Variants in ADGRL2 observed in about 807,000 individuals in gnomAD.
ADGRL2 encodes adhesion G protein-coupled receptor L2.
Under a neutral mutation model 157.4 loss-of-function variants are expected in ADGRL2, and 44 were observed. That is an observed-to-expected ratio of 0.28 (90% confidence interval 0.22 to 0.36). The LOEUF (loss-of-function observed/expected upper bound fraction) is 0.36. Among genes scored for constraint, ADGRL2 ranks in the 10% least tolerant of loss-of-function variants. The pLI is 1.00. For synonymous variants in ADGRL2, 585 were observed against 624.7 expected, an observed-to-expected ratio of 0.94 and a Z score of 0.95; for missense variants, 1,510 against 1,768.9, an observed-to-expected ratio of 0.85 and a Z score of 2.63.
rs191097394 is a variant in ADGRL2, at chr1:81,723,055, T to C, written c.-143+23247T>C. 4.0e-5 allele frequency: 30 copies of C among 756,718 alleles called. 1 individual carries two copies. The East Asian group carries it at 6.2e-4, about 16-fold the overall frequency. The allele number at this position is 756,718 out of a possible 1,614,324, so 46.9% of individuals were successfully genotyped here. A position where few individuals can be genotyped will look rare whatever the true frequency, so the allele number is the denominator to read the frequency against. Reference sequence around the variant, plus strand: ...ATCTTATCAGTAAATTGTCAGCCAATTGGGAGTCAAGCACAGTGCCCTTCT... The same window carrying C: ...ATCTTATCAGTAAATTGTCAGCCAACTGGGAGTCAAGCACAGTGCCCTTCT... On this transcript the variant is annotated intron_variant, in intron 1 of 20. Coordinates refer to the ADGRL2 transcript ENST00000359929.
intron 1 of ADGRL2, among the ~76,000 whole-genome samples, chr1:81,339,888 T>C (rs138424103): frequency 1.7e-3 from 255 of 152,326 alleles, no homozygotes; most frequent in African/African-American, 5.9e-3. Context: ...TAAGTTCATA[T>C]GTTCCTTCCT....
intron 2 of ADGRL2, among the ~76,000 whole-genome samples, chr1:81,792,138 C>T (rs2087379925): frequency 6.6e-6 from 1 of 152,208 alleles, no homozygotes; most frequent in African/African-American, 2.4e-5. Context: ...GTTCCTATGA[C>T]TGCTGAATAA....
At chr1:81,707,646 AT>A (rs1196910878) in intron 1 of ADGRL2, among the ~76,000 whole-genome samples, 1 of 151,636 alleles carries the variant, frequency 6.6e-6, no homozygotes, top group East Asian at 1.9e-4. Flanking sequence ...AATGTATGTT[AT>A]TGTTGTTGTT....
intron 15 of ADGRL2, among the ~76,000 whole-genome samples, 192 bp downstream of exon 15, chr1:81,969,579 T>C: frequency 6.6e-6 from 1 of 152,220 alleles, no homozygotes; most frequent in East Asian, 1.9e-4. Flanking sequence ...TAATTCATTT[T>C]ATATATTAAG....
intron 3 of ADGRL2, among the ~76,000 whole-genome samples, chr1:81,917,405 A>G (rs2094881392): frequency 6.6e-6 from 1 of 152,192 alleles, no homozygotes; most frequent in Non-Finnish European, 1.5e-5. Context: ...ATTTTCTTTA[A>G]GTATATTATA....
intron 1 of ADGRL2, among the ~76,000 whole-genome samples, chr1:81,347,320 GAA>G (rs1425235336): frequency 6.6e-6 from 1 of 152,056 alleles, no homozygotes; most frequent in Non-Finnish European, 1.5e-5. Flanking sequence ...AGAATCGCTT[GAA>G]CCCGGGAAGC....
chr1:81,716,140 A>T (rs1165256575), intron 1 of ADGRL2, among the ~76,000 whole-genome samples: 1 of 152,198 alleles, frequency 6.6e-6, no homozygotes, highest in Non-Finnish European at 1.5e-5. Context: ...AGTCCGTCAA[A>T]TCTTAAAAGT....
Position 81,943,061 on chromosome 1 carries a change from C to G in ADGRL2, c.502C>G (p.Leu168Val). The G allele has an allele frequency of 6.2e-7, 1 of 1,613,380 alleles. No homozygotes were observed. Among genetic ancestry groups the G allele is most frequent in the Non-Finnish European group, 8.5e-7 (1 of 1,179,512 alleles). The change falls in exon 6 of 24, where the codon CTT becomes GTT. Residue 168 changes from leucine (L) to valine (V), a missense_variant. This residue lies in a region of ADGRL2 where 361 missense variants were observed against 498.4 expected (regional missense o/e 0.72). Coordinates refer to ENST00000686636, the MANE Select transcript of ADGRL2 (RefSeq NM_001366006.2). This position sits in a 1 kb window ranked among gnomAD's most constrained non-coding sequence, Gnocchi z 5.6. ...QKAGAWCKDP[L>V]QAADKIYFMP... ...GGCGGGTGCTTGGTGCAAGGACCCTCTTCAGGCTGCAGATAAAATTTATTT... is the reference window on the plus strand; with the variant it reads ...GGCGGGTGCTTGGTGCAAGGACCCTGTTCAGGCTGCAGATAAAATTTATTT...
rs1558041597 is a variant in ADGRL2, at chr1:81,979,864, A to G, written c.3022-5A>G. On this transcript the variant is annotated splice_polypyrimidine_tract_variant and splice_region_variant and intron_variant, in intron 17 of 23. Coordinates refer to ENST00000686636, the MANE Select transcript of ADGRL2 (RefSeq NM_001366006.2). ...TGTGGTCTAATTCTTTATTTGTTAC[A>G]ACAGCTAAATATTATCTTCTTGGTG... 1.3e-6 allele frequency: 2 copies of G among 1,561,576 alleles called. No homozygotes were observed. The highest frequency in any genetic ancestry group is 1.8e-6 in the Non-Finnish European group (2 of 1,134,344).
At chr1:81,383,728 G>A (rs1015794781) in intron 1 of ADGRL2, among the ~76,000 whole-genome samples, 1 of 147,476 alleles carries the variant, frequency 6.8e-6, no homozygotes, top group Non-Finnish European at 1.5e-5. Context: ...ACTTTGGGAG[G>A]CCAAGGTGGG....
In ADGRL2 at chr1:81,986,893, T is replaced by A. The variant is rs1459451367; in HGVS notation, c.3509-8T>A. On this transcript the variant is annotated splice_polypyrimidine_tract_variant and splice_region_variant and intron_variant, in intron 21 of 23. Transcript: ENST00000686636. ...CTGTTTTTTTGTTGTTTTTTTTTTTTACTTTAGGAATGACTGGCAATTACC... is the reference window on the plus strand; with the variant it reads ...CTGTTTTTTTGTTGTTTTTTTTTTTAACTTTAGGAATGACTGGCAATTACC... The A allele has an allele frequency of 1.3e-6, 2 of 1,592,948 alleles. No individual in the cohort carries two copies. Among genetic ancestry groups the A allele is most frequent in the Admixed American group, 3.6e-5 (2 of 54,972 alleles).
intron 1 of ADGRL2, among the ~76,000 whole-genome samples, chr1:81,403,104 A>G (rs1213962126): frequency 6.6e-6 from 1 of 152,246 alleles, no homozygotes. Context: ...ACAGGTCTTT[A>G]TCTACTCAGA....
At chr1:81,597,328 A>G (rs1035663075) in intron 3 of ADGRL2, among the ~76,000 whole-genome samples, 1 of 152,178 alleles carries the variant, frequency 6.6e-6, no homozygotes, top group African/African-American at 2.4e-5. Flanking sequence ...CCACCAATGA[A>G]TTATATTTGC....
intron 2 of ADGRL2, among the ~76,000 whole-genome samples, chr1:81,526,621 A>G (rs1044612844): frequency 6.6e-6 from 1 of 152,294 alleles, no homozygotes; most frequent in East Asian, 1.9e-4. Context: ...CCCGATTAGG[A>G]TTCTCTCCTA....
rs528094285 is a variant in ADGRL2, at chr1:81,637,388, G to C, written c.-143+56408G>C. On this transcript the variant is annotated intron_variant, in intron 3 of 24. Transcript: ENST00000370721. ...TAATTTGACCCAGCTTCCACGGCTA[G>C]TAGGTAGTAGAAAGAGGATTCGAAA... Among the ~76,000 whole-genome samples, 69 of 152,166 alleles carry C rather than the reference G, an allele frequency of 4.5e-4. 1 individual carries two copies. Among genetic ancestry groups the C allele is most frequent in the Non-Finnish European group, 9.0e-4 (61 of 68,036 alleles).
intron 1 of ADGRL2, among the ~76,000 whole-genome samples, chr1:81,807,632 C>A (rs1486070320): frequency 6.6e-6 from 1 of 151,860 alleles, no homozygotes; most frequent in Non-Finnish European, 1.5e-5. Flanking sequence ...TAATCCTTGA[C>A]TTAGTGTGGT....
At chr1:81,523,849 G>C (rs1380458406) in intron 2 of ADGRL2, among the ~76,000 whole-genome samples, 1 of 151,992 alleles carries the variant, frequency 6.6e-6, no homozygotes, top group African/African-American at 2.4e-5. Flanking sequence ...GGATCACAAG[G>C]TCAGGAGTTC....
intron 1 of ADGRL2, among the ~76,000 whole-genome samples, chr1:81,745,197 CTT>C (rs1327911098): frequency 6.6e-6 from 1 of 152,146 alleles, no homozygotes; most frequent in Non-Finnish European, 1.5e-5. Context: ...GAAGAAAAGA[CTT>C]AATAATAACA....
At chr1:81,371,496 T>C (rs1024756152) in intron 1 of ADGRL2, among the ~76,000 whole-genome samples, 10 of 152,236 alleles carry the variant, frequency 6.6e-5, no homozygotes, top group Non-Finnish European at 1.5e-5. Context: ...TTGACACTTG[T>C]AAATACTTGC....
Sources: gnomAD v4.1 joint callset for allele counts (sites outside exome capture counted in the v4.1 genomes callset) on GRCh38, gnomAD v4.1.1 for gene constraint, gnomAD v4.1.1 regional missense constraint, Gnocchi (gnomAD v3.1) non-coding constraint, MANE v1.5 for transcripts, NCBI Gene and HGNC (gene_info 2026-07-23, HGNC 2026-07-21) for gene names.